ROBO2: variants seen among roughly 807,000 people sequenced by gnomAD.
ROBO2 encodes roundabout homolog 2.
In ROBO2, 53 loss-of-function variants were observed where a neutral mutation model predicts 160.8. The ratio of observed to expected loss-of-function variants is 0.33; its 90% CI spans 0.26 to 0.41. The LOEUF is 0.41. Ranked by LOEUF, ROBO2 falls within the 10% of genes least tolerant of loss-of-function variation. The probability of loss-of-function intolerance (pLI) is 1.00; values close to 1 mark genes in which losing one functional copy is unlikely to be tolerated. For synonymous variants in ROBO2, 664 were observed against 611.7 expected, an observed-to-expected ratio of 1.09 and a Z score of -1.26; for missense variants, 1,577 against 1,722.4, an observed-to-expected ratio of 0.92 and a Z score of 1.49.
At chr3:76,106,385 C>A (rs562649928) in intron 2 of ROBO2, among the ~76,000 whole-genome samples, 1 of 152,054 alleles carries the variant, frequency 6.6e-6, no homozygotes, top group Non-Finnish European at 1.5e-5. Flanking sequence ...GGTTGATAAA[C>A]GCACTGTGCA....
rs770559669 is a variant in ROBO2 at position 76,903,889 on chromosome 3, T to C, written c.110-194125T>C. 9.9e-4 allele frequency among the ~76,000 whole-genome samples: 151 copies of C among 152,268 alleles called. 1 individual carries two copies. The highest frequency in any genetic ancestry group is 1.6e-3 in the Non-Finnish European group (107 of 68,022). ...AGTTTGCATGCATCCTGTTGCTCAT[T>C]ACAGCCACTTGGCATAAGAGGCAAA... is the stretch of plus-strand genomic sequence containing the variant. On this transcript the variant is annotated intron_variant, in intron 2 of 26. Coordinates refer to the ROBO2 transcript ENST00000487694.
At chr3:76,512,322 G>GTATATATATATATATATATATATGTATA (rs3043037) in intron 2 of ROBO2, among the ~76,000 whole-genome samples, 1 of 140,496 alleles carries the variant, frequency 7.1e-6, no homozygotes, top group South Asian at 2.2e-4. Context: ...ATATATATAT[G>GTATATATATATATATATATATATGTATA]TATATATATA....
intron 2 of ROBO2, among the ~76,000 whole-genome samples, chr3:76,319,621 TCAATTTC>T (rs2072343137): frequency 7.4e-3 from 2 of 270 alleles, no homozygotes; most frequent in East Asian, 0.33. Flanking sequence ...AACCAAAATC[TCAATTTC>T]TCAATTTAGG....
intron 2 of ROBO2, among the ~76,000 whole-genome samples, chr3:77,133,194 G>C (rs142046837): frequency 0.016 from 2,447 of 152,214 alleles, 68 homozygotes; most frequent in African/African-American, 0.057. Flanking sequence ...GCAAAAAGCT[G>C]TTAGAGATTT....
Position 77,153,694 on chromosome 3 carries a change from T to C in ROBO2, c.388+55354T>C, listed in dbSNP as rs886676385. 2.0e-5 allele frequency among the ~76,000 whole-genome samples: 3 copies of C among 152,026 alleles called. No homozygotes were observed. In the East Asian group the frequency reaches 5.8e-4, roughly 29 times the overall value. On this transcript the variant is annotated intron_variant, in intron 2 of 25. Coordinates refer to ENST00000461745, the Ensembl canonical transcript of ROBO2. ...CTTCCTTCGAAATAACAACAACAATTCTACCAACACGCAAAAGGTCAGAGC... is the reference window on the plus strand; with the variant it reads ...CTTCCTTCGAAATAACAACAACAATCCTACCAACACGCAAAAGGTCAGAGC...
chr3:76,555,358 G>GGAAGAAGAACAAGAAGAAGA (rs1201244951), intron 2 of ROBO2, among the ~76,000 whole-genome samples: 1 of 57,932 alleles, frequency 1.7e-5, no homozygotes, highest in African/African-American at 5.2e-5. Flanking sequence ...AGTAGGAAGA[G>GGAAGAAGAACAAGAAGAAGA]AGAAGAAGAA....
chr3:76,854,882 G>C (rs2148568889), intron 2 of ROBO2, among the ~76,000 whole-genome samples: 1 of 152,250 alleles, frequency 6.6e-6, no homozygotes, highest in East Asian at 1.9e-4. Flanking sequence ...TTGGAGCCTA[G>C]AAGGTAAGCC....
chr3:77,445,001 A>G (rs1449066676), intron 2 of ROBO2, among the ~76,000 whole-genome samples: 1 of 152,136 alleles, frequency 6.6e-6, no homozygotes, highest in Admixed American at 6.6e-5. Context: ...CATTCTTGAA[A>G]TGGCGTATGG....
intron 2 of ROBO2, among the ~76,000 whole-genome samples, chr3:76,072,994 A>G (rs1029710152): frequency 1.3e-5 from 2 of 152,054 alleles, no homozygotes; most frequent in African/African-American, 4.8e-5. Context: ...GCACATAATA[A>G]TTTTTCAGTG....
chr3:76,033,862 G>A (rs564499708), intron 2 of ROBO2, among the ~76,000 whole-genome samples: 14 of 152,160 alleles, frequency 9.2e-5, no homozygotes, highest in Admixed American at 2.6e-4. Flanking sequence ...TCACCCTCCC[G>A]TCTCTCCGTG....
At chr3:76,203,204 AG>A (rs2107266377) in intron 2 of ROBO2, among the ~76,000 whole-genome samples, 1 of 152,314 alleles carries the variant, frequency 6.6e-6, no homozygotes, top group African/African-American at 2.4e-5. Flanking sequence ...GTACTCAGAA[AG>A]GTTGACTGAT....
chr3:76,615,614 G>T (rs1051544240), intron 2 of ROBO2, among the ~76,000 whole-genome samples: 1 of 152,116 alleles, frequency 6.6e-6, no homozygotes, highest in African/African-American at 2.4e-5. Flanking sequence ...ATAAGGAAGG[G>T]CCAAAAAATA....
chr3:76,814,185 C>T (rs2065461566), intron 2 of ROBO2, among the ~76,000 whole-genome samples: 1 of 151,958 alleles, frequency 6.6e-6, no homozygotes, highest in Non-Finnish European at 1.5e-5. Flanking sequence ...GCAAATACAC[C>T]CAAATCAAAA....
At chr3:76,248,705 G>T (rs533359594) in intron 2 of ROBO2, among the ~76,000 whole-genome samples, 1 of 150,866 alleles carries the variant, frequency 6.6e-6, no homozygotes, top group East Asian at 2.0e-4. Flanking sequence ...AATCTAAAAT[G>T]ATCTTCCAAC....
chr3:76,203,866 T>C (rs1436110709), intron 2 of ROBO2, among the ~76,000 whole-genome samples: 1 of 152,198 alleles, frequency 6.6e-6, no homozygotes, highest in Non-Finnish European at 1.5e-5. Flanking sequence ...TGACAGGTCA[T>C]GGTTCTAGTA....
At chr3:76,526,427 T>C (rs1051949725) in intron 2 of ROBO2, among the ~76,000 whole-genome samples, 3 of 152,070 alleles carry the variant, frequency 2.0e-5, no homozygotes, top group Non-Finnish European at 4.4e-5. Context: ...CAATGTCATA[T>C]AGATATTAGA....
chr3:77,370,141 A>G (rs1453641304), intron 2 of ROBO2, among the ~76,000 whole-genome samples: 1 of 152,210 alleles, frequency 6.6e-6, no homozygotes, highest in African/African-American at 2.4e-5. Context: ...GGTTTGAAAA[A>G]GGCACAAAAA....
chr3:76,935,555 A>G (rs2077643628), intron 2 of ROBO2, among the ~76,000 whole-genome samples: 1 of 152,148 alleles, frequency 6.6e-6, no homozygotes, highest in African/African-American at 2.4e-5. Context: ...CTATCACAGA[A>G]TACAATAGAC....
intron 2 of ROBO2, among the ~76,000 whole-genome samples, chr3:77,034,008 T>A (rs1242222410): frequency 6.6e-6 from 1 of 151,886 alleles, no homozygotes; most frequent in Non-Finnish European, 1.5e-5. Context: ...ATATTAAGTA[T>A]CTGGTCCTTT....
Sources: gnomAD v4.1 joint callset for allele counts (sites outside exome capture counted in the v4.1 genomes callset) on GRCh38, gnomAD v4.1.1 for gene constraint, MANE v1.5 for transcripts, NCBI Gene and HGNC (gene_info 2026-07-23, HGNC 2026-07-21) for gene names.